The following AHRR variants were observed in gnomAD, a reference collection of about 807,000 sequenced individuals.
AHRR encodes the protein ahR repressor.
A neutral mutation model predicts 44.0 loss-of-function variants in AHRR; 28 were observed. That is an observed-to-expected ratio of 0.64 (90% CI 0.47 to 0.87). The LOEUF is 0.87. Ranked by LOEUF, AHRR falls within the 40% of genes least tolerant of loss-of-function variation. The pLI is 0.00. For synonymous variants in AHRR, 434 were observed against 407.0 expected (o/e 1.07, Z -0.80); for missense variants, 990 against 953.9 (o/e 1.04, Z -0.50).
At position 370,693 on chromosome 5, in the gene AHRR, G is replaced by A. The variant is rs1743547006; in HGVS notation, c.245-5917G>A. Among the ~76,000 whole-genome samples, 1 of 150,692 alleles carries A rather than the reference G, an allele frequency of 6.6e-6. No individual in the cohort carries two copies. Among genetic ancestry groups the A allele is most frequent in the Non-Finnish European group, 1.5e-5 (1 of 67,626 alleles). Reference sequence around the variant, plus strand: ...GGGAAGGCACAGGTGATGGGGTTGGGGACAGGTCTCGGGAAGGCACAGGTG... The same window carrying A: ...GGGAAGGCACAGGTGATGGGGTTGGAGACAGGTCTCGGGAAGGCACAGGTG... On this transcript the variant is annotated intron_variant, in intron 3 of 10. Coordinates refer to ENST00000684583, the MANE Select transcript of AHRR (RefSeq NM_001377236.1). This position sits in a 1 kb window ranked among gnomAD's most constrained non-coding sequence, Gnocchi z 4.5.
chr5:384,608 G>A (rs1734100414), intron 4 of AHRR, among the ~76,000 whole-genome samples: 1 of 152,036 alleles, frequency 6.6e-6, no homozygotes, highest in South Asian at 2.1e-4. Flanking sequence ...ATTTTTAGTA[G>A]ATGGGGTTTC....
Position 436,835 on chromosome 5 carries a change from G to A in AHRR, c.*2001G>A, listed in dbSNP as rs958617405. 17 of 152,422 alleles carry A rather than the reference G, an allele frequency of 1.1e-4. No homozygotes were observed. Among genetic ancestry groups the A allele is most frequent in the Admixed American group, 3.9e-4 (6 of 15,290 alleles). 9.4% of individuals were successfully genotyped at this position (152,422 alleles called of 1,614,324 possible). On this transcript the variant is annotated 3_prime_UTR_variant, in exon 11 of 11. Coordinates refer to ENST00000684583, the MANE Select transcript of AHRR (RefSeq NM_001377236.1). ...AGTCACCTGTGGAGAGCAGGCACCT[G>A]TGAAGACCAGGCACCTGAGGACTGG...
chr5:326,104 G>A lies in AHRR; in HGVS notation c.-11+4285G>A, dbSNP rs1427485264. ...GGCCTCTTTGTATTTTCTCGTTGAGGCAAAATGCACATAACATCAAACTAA... is the reference window on the plus strand; with the variant it reads ...GGCCTCTTTGTATTTTCTCGTTGAGACAAAATGCACATAACATCAAACTAA... On this transcript the variant is annotated intron_variant, in intron 1 of 10. Coordinates refer to ENST00000684583, the MANE Select transcript of AHRR (RefSeq NM_001377236.1). The surrounding 1 kb of genome is among the most constrained non-coding windows in gnomAD (Gnocchi z 4.1). 1.4e-4 allele frequency among the ~76,000 whole-genome samples: 21 copies of A among 152,168 alleles called. No homozygotes were observed. The highest frequency in any genetic ancestry group is 1.4e-3 in the Admixed American group (21 of 15,278).
intron 1 of AHRR, chr5:343,449 G>A (rs62330058): frequency 0.041 from 7,852 of 193,712 alleles, 230 homozygotes; most frequent in South Asian, 0.052. Flanking sequence ...GGGAACACGG[G>A]ACCCCGCGTA....
intron 4 of AHRR, among the ~76,000 whole-genome samples, chr5:400,717 C>T (rs541564473): frequency 1.6e-4 from 24 of 152,230 alleles, no homozygotes; most frequent in African/African-American, 4.6e-4. Context: ...CCATATGACA[C>T]GGCAAACAGC....
chr5:344,782 G>T (rs1194027081), intron 2 of AHRR, among the ~76,000 whole-genome samples: 1 of 120,906 alleles, frequency 8.3e-6, no homozygotes, highest in Non-Finnish European at 1.7e-5. Context: ...TGACTGTGCG[G>T]GTGTGCGAGG....
chr5:351,001 G>C (rs1279842358), intron 2 of AHRR, among the ~76,000 whole-genome samples: 2 of 151,446 alleles, frequency 1.3e-5, no homozygotes, highest in Admixed American at 1.4e-4. Context: ...CATTTGAAAA[G>C]ATGCTCAACA....
At chr5:373,422 G>T (rs537962671) in intron 3 of AHRR, among the ~76,000 whole-genome samples, 102 of 152,320 alleles carry the variant, frequency 6.7e-4, no homozygotes, top group South Asian at 1.7e-3. Flanking sequence ...TGCGGTCTTG[G>T]AGGCACAGAG....
chr5:389,381 C>T (rs1734308343), intron 4 of AHRR, among the ~76,000 whole-genome samples: 1 of 152,184 alleles, frequency 6.6e-6, no homozygotes, highest in Non-Finnish European at 1.5e-5. Context: ...CCACCGGTGC[C>T]CGAGCGACTC....
chr5:392,909 A>C (rs1012621370), intron 4 of AHRR, among the ~76,000 whole-genome samples: 29 of 151,754 alleles, frequency 1.9e-4, no homozygotes, highest in Middle Eastern at 3.2e-3. Flanking sequence ...TTCTCGGTGT[A>C]GGTGCCTCTT....
rs562806380 is a variant in AHRR at position 323,918 on chromosome 5, C to T, written c.-11+2099C>T. ...GCCGATCTGCTAGGGGCTGATGACT[C>T]GGGTAGGAAAGACTTGGCGGCCCTG... On this transcript the variant is annotated intron_variant, in intron 1 of 10. Transcript: ENST00000684583. 3.3e-5 allele frequency among the ~76,000 whole-genome samples: 5 copies of T among 152,136 alleles called. No homozygotes were observed. The South Asian group carries it at 6.2e-4, about 19-fold the overall frequency.
intron 1 of AHRR, among the ~76,000 whole-genome samples, chr5:329,893 T>C (rs1741853080): frequency 6.6e-6 from 1 of 152,232 alleles, no homozygotes; most frequent in South Asian, 2.1e-4. Flanking sequence ...TTTTTAGATA[T>C]AAAATCATAT....
intron 3 of AHRR, among the ~76,000 whole-genome samples, chr5:367,033 A>G (rs1253820384): frequency 2.0e-5 from 3 of 152,244 alleles, no homozygotes; most frequent in African/African-American, 7.2e-5. Flanking sequence ...TCTGTGGACA[A>G]GGGGTATCTG....
chr5:414,331 T>G (rs536622786), intron 5 of AHRR, among the ~76,000 whole-genome samples: 91 of 152,238 alleles, frequency 6.0e-4, no homozygotes, highest in South Asian at 1.5e-3. Context: ...CTGTTTTTTT[T>G]GTCTGGGGAG....
intron 1 of AHRR, among the ~76,000 whole-genome samples, chr5:328,793 C>T (rs540265605): frequency 6.6e-6 from 1 of 152,290 alleles, no homozygotes; most frequent in Admixed American, 6.5e-5. Context: ...GGTTACTACT[C>T]CCCTGTTGGA....
chr5:345,712 G>A (rs1417214443), intron 2 of AHRR, among the ~76,000 whole-genome samples: 1 of 152,002 alleles, frequency 6.6e-6, no homozygotes, highest in Non-Finnish European at 1.5e-5. Context: ...GTGATAATGA[G>A]GTAAGGCCCC....
At chr5:391,324 C>CGGACGCAGGGCGATGA in intron 4 of AHRR, among the ~76,000 whole-genome samples, 1 of 128,934 alleles carries the variant, frequency 7.8e-6, no homozygotes, top group African/African-American at 2.9e-5. Flanking sequence ...AGAGCGTGCA[C>CGGACGCAGGGCGATGA]GGGCGCAGGG....
intron 8 of AHRR, among the ~76,000 whole-genome samples, chr5:428,918 GA>G (rs139486295): frequency 0.073 from 11,123 of 152,252 alleles, 481 homozygotes; most frequent in Admixed American, 0.13. Context: ...ACAGGCAGTG[GA>G]GCTCTGGCGG....
chr5:398,513 C>G (rs79404818), intron 4 of AHRR, among the ~76,000 whole-genome samples: 1 of 152,216 alleles, frequency 6.6e-6, no homozygotes, highest in African/African-American at 2.4e-5. Context: ...GGTGTTCACT[C>G]GGCCCCTGCT....
Sources: allele counts gnomAD v4.1 joint callset (sites outside exome capture counted in the v4.1 genomes callset), GRCh38; gene constraint gnomAD v4.1.1; non-coding constraint Gnocchi (gnomAD v3.1); transcripts MANE v1.5; gene names NCBI Gene and HGNC (gene_info 2026-07-23, HGNC 2026-07-21).